ANKRD30BL: variants seen among roughly 807,000 people sequenced by gnomAD.
The protein encoded by ANKRD30BL is ankyrin repeat domain 30B like.
A neutral mutation model predicts 18.4 loss-of-function variants in ANKRD30BL; 20 were observed. The observed-to-expected ratio is 1.09, with a 90% CI of 0.77 to 1.58. The LOEUF is 1.58. Ranked by LOEUF, ANKRD30BL falls within the 40% of genes most tolerant of loss-of-function variation. The pLI, the probability that ANKRD30BL is intolerant of heterozygous loss-of-function variation, is 0.00. For synonymous variants in ANKRD30BL, 72 were observed against 100.9 expected, an observed-to-expected ratio of 0.71 and a Z score of 1.72; for missense variants, 224 against 268.6, an observed-to-expected ratio of 0.83 and a Z score of 1.16.
At chr2:132,204,764 T>C (rs945315640) in intron 1 of ANKRD30BL, among the ~76,000 whole-genome samples, 2 of 152,150 alleles carry the variant, frequency 1.3e-5, no homozygotes, top group African/African-American at 4.8e-5. Flanking sequence ...TGGCTTGATA[T>C]TATCATCGTT....
At chr2:132,221,574 G>A (rs1162304403) in intron 1 of ANKRD30BL, among the ~76,000 whole-genome samples, 17 of 132,258 alleles carry the variant, frequency 1.3e-4, no homozygotes, top group Admixed American at 5.0e-4. Flanking sequence ...CCGGCCAGCC[G>A]CCCAGTCTGG....
intron 1 of ANKRD30BL, among the ~76,000 whole-genome samples, chr2:132,200,306 G>A (rs565261599): frequency 1.3e-5 from 2 of 151,812 alleles, no homozygotes; most frequent in East Asian, 1.9e-4. Flanking sequence ...CAATCAGGCA[G>A]GAGAAGGAAA....
intron 1 of ANKRD30BL, among the ~76,000 whole-genome samples, chr2:132,179,076 G>A (rs1163791664): frequency 6.6e-6 from 1 of 151,546 alleles, no homozygotes; most frequent in Admixed American, 6.6e-5. Flanking sequence ...GGATTGTAAT[G>A]GAGGTAAAAA....
At chr2:132,204,670 T>C (rs1171700658) in intron 1 of ANKRD30BL, among the ~76,000 whole-genome samples, 8 of 152,124 alleles carry the variant, frequency 5.3e-5, no homozygotes, top group Admixed American at 1.3e-4. Context: ...AATAGAAAGG[T>C]AATTCAAGGT....
At chr2:132,188,972 A>G (rs1678788889) in intron 1 of ANKRD30BL, among the ~76,000 whole-genome samples, 2 of 152,280 alleles carry the variant, frequency 1.3e-5, no homozygotes, top group Admixed American at 1.3e-4. Context: ...AATGAAAACG[A>G]GCAACCTAGC....
intron 1 of ANKRD30BL, among the ~76,000 whole-genome samples, chr2:132,224,257 A>G (rs185987419): frequency 6.6e-6 from 1 of 152,112 alleles, no homozygotes; most frequent in South Asian, 2.1e-4. Flanking sequence ...AGAATCTGCA[A>G]GTGGACATTT....
intron 1 of ANKRD30BL, among the ~76,000 whole-genome samples, chr2:132,197,235 TAA>T (rs1678986922): frequency 6.6e-6 from 1 of 152,222 alleles, no homozygotes; most frequent in Admixed American, 6.5e-5. Flanking sequence ...GCAGAAGAAA[TAA>T]AAATGAATCC....
At chr2:132,201,383 C>T (rs10188050) in intron 1 of ANKRD30BL, among the ~76,000 whole-genome samples, 3,179 of 152,046 alleles carry the variant, frequency 0.021, 95 homozygotes, top group African/African-American at 0.071. Flanking sequence ...AGAAAATTTT[C>T]GCAACCTACT....
chr2:132,229,804 C>A (rs944115486), intron 1 of ANKRD30BL, among the ~76,000 whole-genome samples: 2 of 152,078 alleles, frequency 1.3e-5, no homozygotes, highest in African/African-American at 4.8e-5. Context: ...CACATAAAAA[C>A]TAGACAGAAG....
At chr2:132,198,775 G>C (rs987564268) in intron 1 of ANKRD30BL, among the ~76,000 whole-genome samples, 10 of 151,820 alleles carry the variant, frequency 6.6e-5, no homozygotes, top group African/African-American at 2.4e-4. Context: ...CCACCACCAT[G>C]CACAGCTAAT....
At chr2:132,206,709 T>C (rs1487453255) in intron 1 of ANKRD30BL, among the ~76,000 whole-genome samples, 1 of 152,206 alleles carries the variant, frequency 6.6e-6, no homozygotes, top group Non-Finnish European at 1.5e-5. Flanking sequence ...GGAGGTGTAA[T>C]TTCCTACATC....
intron 1 of ANKRD30BL, among the ~76,000 whole-genome samples, chr2:132,220,102 C>T (rs1679629672): frequency 6.6e-6 from 1 of 152,196 alleles, no homozygotes; most frequent in African/African-American, 2.4e-5. Context: ...TTGATACACT[C>T]TTTTAGTAGA....
At chr2:132,237,361 T>C (rs1224053065) in intron 1 of ANKRD30BL, among the ~76,000 whole-genome samples, 1 of 152,152 alleles carries the variant, frequency 6.6e-6, no homozygotes, top group African/African-American at 2.4e-5. Flanking sequence ...TTTCCTTTGA[T>C]ACAGCAGTTT....
chr2:132,151,656 ATAT>A (rs1235837936), intron 4 of ANKRD30BL, among the ~76,000 whole-genome samples: 1 of 152,004 alleles, frequency 6.6e-6, no homozygotes, highest in Non-Finnish European at 1.5e-5. Flanking sequence ...ATAGGTTATA[ATAT>A]TCAAATATTG....
At chr2:132,243,579 A>T (rs1404129358) in intron 1 of ANKRD30BL, among the ~76,000 whole-genome samples, 1 of 151,684 alleles carries the variant, frequency 6.6e-6, no homozygotes, top group East Asian at 1.9e-4. Flanking sequence ...ATACAACTAG[A>T]CAGAAGCATT....
chr2:132,210,862 A>G (rs1399792168), intron 1 of ANKRD30BL, among the ~76,000 whole-genome samples: 2 of 151,744 alleles, frequency 1.3e-5, no homozygotes, highest in Non-Finnish European at 2.9e-5. Context: ...TTTGGGGCCT[A>G]TGGTGGAAAG....
chr2:132,225,423 CA>C (rs1679817452), intron 1 of ANKRD30BL, among the ~76,000 whole-genome samples: 1 of 152,012 alleles, frequency 6.6e-6, no homozygotes, highest in Non-Finnish European at 1.5e-5. Context: ...AGTTTTGAAA[CA>C]CTCTTTTAGT....
chr2:132,194,032 TTCTCTC>T lies in ANKRD30BL; in HGVS notation n.442-36892_442-36887del, dbSNP rs764528052. 9.1e-3 allele frequency among the ~76,000 whole-genome samples: 1,261 copies of T among 137,934 alleles called. 12 individuals are homozygous for T. The highest frequency in any genetic ancestry group is 0.03 in the African/African-American group (1,171 of 38,552). The allele number at this position is 137,934 out of a possible 152,430, so 90.5% of individuals were successfully genotyped here. A position where few individuals can be genotyped will look rare whatever the true frequency, so the allele number is the denominator to read the frequency against. ...TTTCTACAAAAGAAGCAGAGATAAT[TTCTCTC>T]TCTCTCTCTCTCTCTCTCACACACA... is the stretch of plus-strand genomic sequence containing the variant. On this transcript the variant is annotated intron_variant and non_coding_transcript_variant, in intron 1 of 4. Coordinates refer to the ANKRD30BL transcript ENST00000470729.
intron 1 of ANKRD30BL, among the ~76,000 whole-genome samples, chr2:132,241,651 T>C (rs1680330086): frequency 6.6e-6 from 1 of 151,408 alleles, no homozygotes; most frequent in African/African-American, 2.4e-5. Context: ...GATATTTTGA[T>C]AGCTTTGTGG....
Sources: allele counts gnomAD v4.1 joint callset (sites outside exome capture counted in the v4.1 genomes callset), GRCh38; gene constraint gnomAD v4.1.1; transcripts MANE v1.5; gene names NCBI Gene and HGNC (gene_info 2026-07-23, HGNC 2026-07-21).